The following ACO1 variants were observed in gnomAD, a reference collection of about 807,000 sequenced individuals.
ACO1 encodes the protein aconitase 1, also known as cytoplasmic aconitate hydratase.
ACO1 carries 78 observed loss-of-function variants against 105.1 expected under a neutral mutation model. The ratio of observed to expected loss-of-function variants is 0.74; its 90% CI spans 0.62 to 0.90. The LOEUF (loss-of-function observed/expected upper bound fraction) is 0.90, where lower values mean the gene tolerates loss of function less well. Ranked by LOEUF, ACO1 falls within the 40% of genes least tolerant of loss-of-function variation. The pLI is 0.00. For synonymous variants in ACO1, 364 were observed against 397.4 expected, an observed-to-expected ratio of 0.92 and a Z score of 1.00; for missense variants, 965 against 1,111.1, an observed-to-expected ratio of 0.87 and a Z score of 1.87.
At chr9:32,391,822 A>T (rs1303558485) in intron 1 of ACO1, among the ~76,000 whole-genome samples, 1 of 152,244 alleles carries the variant, frequency 6.6e-6, no homozygotes, top group East Asian at 1.9e-4. Flanking sequence ...AGATAAGATA[A>T]ATAAGCCATT....
chr9:32,392,929 C>T (rs922147693), intron 1 of ACO1, among the ~76,000 whole-genome samples: 2 of 152,102 alleles, frequency 1.3e-5, no homozygotes. Context: ...CAATGAATAC[C>T]CTTGTGATTT....
At position 32,447,738 on chromosome 9, in the gene ACO1, C is replaced by T. The variant is rs574876678; in HGVS notation, c.2371-1158C>T. 6.6e-5 allele frequency among the ~76,000 whole-genome samples: 10 copies of T among 152,288 alleles called. No homozygotes were observed. The East Asian group carries it at 1.2e-3, about 18-fold the overall frequency. On this transcript the variant is annotated intron_variant, in intron 19 of 20. Coordinates refer to ENST00000309951, the MANE Select transcript of ACO1 (RefSeq NM_002197.3). ...TTTGGTCTTTGACATTGGTGACCTT[C>T]GGATGGGGTCTCTGAGTGGATGTCC...
intron 4 of ACO1, among the ~76,000 whole-genome samples, chr9:32,413,359 C>G (rs1460038160): frequency 6.6e-6 from 1 of 151,958 alleles, no homozygotes; most frequent in African/African-American, 2.4e-5. Context: ...TGGTGCATGC[C>G]TGTAGTCCCA....
intron 1 of ACO1, among the ~76,000 whole-genome samples, chr9:32,399,833 G>T (rs1587515579): frequency 6.6e-6 from 1 of 151,134 alleles, no homozygotes. Flanking sequence ...AAATTCAAAT[G>T]CGTTTAAAAG....
At chr9:32,407,710 C>T (rs1821646806) in intron 3 of ACO1, among the ~76,000 whole-genome samples, 1 of 152,110 alleles carries the variant, frequency 6.6e-6, no homozygotes, top group Non-Finnish European at 1.5e-5. Context: ...TCCTGAGTAT[C>T]TTAGGGAAAG....
At chr9:32,387,560 A>G (rs1821180416) in intron 1 of ACO1, among the ~76,000 whole-genome samples, 1 of 152,182 alleles carries the variant, frequency 6.6e-6, no homozygotes, top group South Asian at 2.1e-4. Context: ...AGCCTAGACA[A>G]AGATCCTAGA....
At chr9:32,435,993 T>A in intron 17 of ACO1, 1 of 631,006 alleles carries the variant, frequency 1.6e-6, no homozygotes, top group South Asian at 1.5e-5. Flanking sequence ...CCTTCTTATT[T>A]TTCTAACCAG....
chr9:32,394,544 C>T (rs567701176), intron 1 of ACO1, among the ~76,000 whole-genome samples: 2 of 152,312 alleles, frequency 1.3e-5, no homozygotes, highest in South Asian at 4.1e-4. Context: ...TTTGTCACTC[C>T]TTCAACCCAG....
rs779020260 is a variant in ACO1, at chr9:32,407,427, T to C, written c.264T>C (p.Phe88=). The C allele has an allele frequency of 3.1e-6, 5 of 1,611,440 alleles. No individual in the cohort carries two copies. The highest frequency in any genetic ancestry group is 2.5e-6 in the Non-Finnish European group (3 of 1,177,814). Residue 88 remains phenylalanine, a splice_region_variant and synonymous_variant, in exon 3 of 21, where the codon TTT becomes TTC. Coordinates refer to ENST00000309951, the MANE Select transcript of ACO1 (RefSeq NM_002197.3). ...FKPARVILQD[F]TGVPAVVDFA... ...CTGCTCGTGTCATCCTGCAGGACTT[T>C]ACGTGAGCCTAATGTCACTTCACTC... is the stretch of plus-strand genomic sequence containing the variant.
At chr9:32,421,984 G>A (rs7043497) in intron 8 of ACO1, among the ~76,000 whole-genome samples, 109,231 of 152,190 alleles carry the variant, frequency 0.72, 39,270 homozygotes, top group Middle Eastern at 0.81. Context: ...TTTATTTAAA[G>A]AAGTTTTTAT....
intron 19 of ACO1, 38 bp from the exon 20 acceptor site, chr9:32,448,858 A>G: frequency 3.7e-6 from 6 of 1,611,844 alleles, no homozygotes; most frequent in Non-Finnish European, 5.1e-6. Flanking sequence ...CAAAGAAAAG[A>G]TTGGAAGTAT....
At position 32,384,659 on chromosome 9, in the gene ACO1, C is replaced by G; in HGVS notation, c.-99C>G. The G allele has an allele frequency of 5.1e-6, 2 of 393,444 alleles. No individual in the cohort carries two copies. The highest frequency in any genetic ancestry group is 3.4e-5 in the South Asian group (2 of 58,244). The allele number at this position is 393,444 out of a possible 1,614,324, so 24.4% of individuals were successfully genotyped here. A position where few individuals can be genotyped will look rare whatever the true frequency, so the allele number is the denominator to read the frequency against. Reference sequence around the variant, plus strand: ...CGGAGCGTGGAGGCGGCAGCTGGAACCGCGCAGCGCACGGGAACGCGTCCC... The same window carrying G: ...CGGAGCGTGGAGGCGGCAGCTGGAAGCGCGCAGCGCACGGGAACGCGTCCC... On this transcript the variant is annotated 5_prime_UTR_variant, in exon 1 of 21. Transcript: ENST00000309951.
chr9:32,406,433 C>T (rs1204607420), intron 2 of ACO1, among the ~76,000 whole-genome samples: 1 of 152,098 alleles, frequency 6.6e-6, no homozygotes, highest in East Asian at 1.9e-4. Flanking sequence ...CTAGCCTGGG[C>T]AACATAGCAA....
intron 14 of ACO1, 39 bp downstream of exon 14, chr9:32,430,613 G>A: frequency 8.3e-6 from 13 of 1,562,600 alleles, no homozygotes; most frequent in South Asian, 1.2e-5. Context: ...TTTTTCCAGT[G>A]AATTCAGAAA....
intron 4 of ACO1, among the ~76,000 whole-genome samples, chr9:32,415,147 C>G (rs1440842455): frequency 6.6e-6 from 1 of 152,114 alleles, no homozygotes; most frequent in South Asian, 2.1e-4. Context: ...AAGCTGAGAG[C>G]TTGGACTGGA....
Position 32,451,887 on chromosome 9 carries a change from AC to A in ACO1, c.*1780del, listed in dbSNP as rs1365215999. 1 of 152,206 alleles carries A rather than the reference AC, an allele frequency of 6.6e-6. No homozygotes were observed. Among genetic ancestry groups the A allele is most frequent in the East Asian group, 1.9e-4 (1 of 5,180 alleles). 9.4% of individuals were successfully genotyped at this position (152,206 alleles called of 1,614,324 possible). On this transcript the variant is annotated 3_prime_UTR_variant, in exon 21 of 21. Transcript: ENST00000309951. ...AGACCAGCCTGGCCAACATGGTGAAACCCCGTCTCTACTAAAAATACAAAAA... is the reference window on the plus strand; with the variant it reads ...AGACCAGCCTGGCCAACATGGTGAAACCCGTCTCTACTAAAAATACAAAAA...
At chr9:32,412,744 G>A (rs910308426) in intron 4 of ACO1, among the ~76,000 whole-genome samples, 5 of 152,162 alleles carry the variant, frequency 3.3e-5, no homozygotes, top group African/African-American at 9.7e-5. Context: ...AAATGGAAGA[G>A]TTTAAAATAT....
chr9:32,454,349 A>C lies in ACO1; in HGVS notation c.*4238A>C. 1 of 150,434 alleles carries C rather than the reference A, an allele frequency of 6.6e-6. No homozygotes were observed. Among genetic ancestry groups the C allele is most frequent in the East Asian group, 1.9e-4 (1 of 5,188 alleles). The allele number at this position is 150,434 out of a possible 1,614,324, so 9.3% of individuals were successfully genotyped here. A position where few individuals can be genotyped will look rare whatever the true frequency, so the allele number is the denominator to read the frequency against. On this transcript the variant is annotated 3_prime_UTR_variant, in exon 21 of 21. Transcript: ENST00000309951. Reference sequence around the variant, plus strand: ...TCTGTTGTTTGAAATTCAAATAATAATGAATCCATTTTAAGGACAGGAATT... The same window carrying C: ...TCTGTTGTTTGAAATTCAAATAATACTGAATCCATTTTAAGGACAGGAATT...
rs1319829163 is a variant in ACO1 at position 32,454,690 on chromosome 9, A to G, written c.*4579A>G. 1 of 152,190 alleles carries G rather than the reference A, an allele frequency of 6.6e-6. No homozygotes were observed. Among genetic ancestry groups the G allele is most frequent in the Non-Finnish European group, 1.5e-5 (1 of 68,036 alleles). The allele number at this position is 152,190 out of a possible 1,614,324, so 9.4% of individuals were successfully genotyped here. A position where few individuals can be genotyped will look rare whatever the true frequency, so the allele number is the denominator to read the frequency against. The stretch of plus-strand genomic sequence containing the variant: ...CCTACCTGCTCATTTCTTTCATTCA[A>G]TACATATTAACCAAGTGCCTACTTT... On this transcript the variant is annotated 3_prime_UTR_variant, in exon 21 of 21. Coordinates refer to ENST00000309951, the MANE Select transcript of ACO1 (RefSeq NM_002197.3).
Sources: gnomAD v4.1 joint callset for allele counts (sites outside exome capture counted in the v4.1 genomes callset) on GRCh38, gnomAD v4.1.1 for gene constraint, MANE v1.5 for transcripts, NCBI Gene and HGNC (gene_info 2026-07-23, HGNC 2026-07-21) for gene names.